Variants in TBC1D22A observed in about 807,000 individuals in gnomAD.
TBC1D22A encodes putative GTPase activator.
TBC1D22A carries 38 observed loss-of-function variants against 60.2 expected under a neutral mutation model. The ratio of observed to expected loss-of-function variants is 0.63; its 90% CI spans 0.49 to 0.83. The LOEUF is 0.83. Ranked by LOEUF, TBC1D22A falls within the 40% of genes least tolerant of loss-of-function variation. TBC1D22A has a pLI of 0.00. For missense variants in TBC1D22A, 628 were observed against 701.0 expected (o/e 0.90, Z 1.18); for synonymous variants, 302 against 281.7 (o/e 1.07, Z -0.72).
At chr22:46,997,465 C>T (rs563587676) in intron 9 of TBC1D22A, among the ~76,000 whole-genome samples, 169 bp from the exon 10 acceptor site, 42 of 152,354 alleles carry the variant, frequency 2.8e-4, no homozygotes, top group South Asian at 6.2e-4. Flanking sequence ...CAGTCAGCGG[C>T]GCTGTGCTGT....
intron 11 of TBC1D22A, among the ~76,000 whole-genome samples, chr22:47,102,463 C>T (rs544406453): frequency 3.9e-5 from 6 of 152,344 alleles, no homozygotes; most frequent in African/African-American, 1.4e-4. Context: ...CCACTGCTCA[C>T]GCCTCCCTGT....
At chr22:46,980,699 G>GA (rs136117) in intron 9 of TBC1D22A, among the ~76,000 whole-genome samples, 152,287 of 152,288 alleles carry the variant, frequency 1, 76,143 homozygotes, top group Non-Finnish European at 1. Context: ...ACTAGAAAGA[G>GA]AAATGTACTA....
chr22:47,154,725 A>T (rs1381805336), intron 12 of TBC1D22A, among the ~76,000 whole-genome samples: 2 of 152,192 alleles, frequency 1.3e-5, no homozygotes, highest in Admixed American at 6.5e-5. Flanking sequence ...GCTCTGGGAC[A>T]TGTGCCCAAG....
intron 8 of TBC1D22A, among the ~76,000 whole-genome samples, chr22:46,929,208 T>C (rs2071214505): frequency 1.3e-5 from 2 of 152,210 alleles, no homozygotes; most frequent in African/African-American, 4.8e-5. Context: ...GTTTCTGCTT[T>C]TTCACTGTTG....
At chr22:46,930,944 C>T (rs192863485) in intron 8 of TBC1D22A, among the ~76,000 whole-genome samples, 1 of 152,318 alleles carries the variant, frequency 6.6e-6, no homozygotes, top group East Asian at 1.9e-4. Flanking sequence ...CTCCCTAATT[C>T]TCACAGCAGC....
intron 12 of TBC1D22A, among the ~76,000 whole-genome samples, chr22:47,112,374 T>C (rs573029371): frequency 5.0e-4 from 76 of 152,314 alleles, no homozygotes; most frequent in African/African-American, 1.8e-3. Flanking sequence ...CTGCACCAGC[T>C]GGCTGGGGTC....
At chr22:46,803,051 G>T (rs2084964967) in intron 4 of TBC1D22A, among the ~76,000 whole-genome samples, 1 of 152,116 alleles carries the variant, frequency 6.6e-6, no homozygotes, top group Non-Finnish European at 1.5e-5. Flanking sequence ...ATGAAACAGA[G>T]AGCCAGGGAA....
At chr22:46,852,554 C>A (rs1177146292) in intron 4 of TBC1D22A, among the ~76,000 whole-genome samples, 2 of 152,200 alleles carry the variant, frequency 1.3e-5, no homozygotes, top group Non-Finnish European at 2.9e-5. Context: ...GACGAATCTG[C>A]CTCTGGAGAC....
At chr22:47,043,606 C>T (rs1338186608) in intron 11 of TBC1D22A, among the ~76,000 whole-genome samples, 1 of 152,132 alleles carries the variant, frequency 6.6e-6, no homozygotes, top group Non-Finnish European at 1.5e-5. Context: ...GTGTGTTCAT[C>T]TTTCCAGGGG....
intron 9 of TBC1D22A, among the ~76,000 whole-genome samples, chr22:46,982,275 G>C (rs1157371262): frequency 2.7e-5 from 4 of 150,694 alleles, no homozygotes; most frequent in East Asian, 1.9e-4. Flanking sequence ...CCAGGCTGGA[G>C]TGCAGTGGCA....
intron 8 of TBC1D22A, among the ~76,000 whole-genome samples, chr22:46,927,040 A>T (rs1195778400): frequency 6.6e-6 from 1 of 152,170 alleles, no homozygotes; most frequent in Non-Finnish European, 1.5e-5. Context: ...AAGAATTAAC[A>T]CTCTTTCTTC....
chr22:46,922,332 A>T (rs139999700), intron 8 of TBC1D22A, among the ~76,000 whole-genome samples: 4 of 152,250 alleles, frequency 2.6e-5, no homozygotes, highest in African/African-American at 9.6e-5. Context: ...TGTACTCACA[A>T]GTATATTCAT....
chr22:46,960,284 G>A (rs1167710409), intron 8 of TBC1D22A, among the ~76,000 whole-genome samples: 1 of 150,786 alleles, frequency 6.6e-6, no homozygotes, highest in Admixed American at 6.6e-5. Flanking sequence ...TTTTTGAGAC[G>A]GAGTTTTTGC....
intron 4 of TBC1D22A, among the ~76,000 whole-genome samples, chr22:46,847,551 C>T (rs555176734): frequency 7.2e-5 from 11 of 152,358 alleles, no homozygotes; most frequent in African/African-American, 2.4e-4. Flanking sequence ...TCTTCACACG[C>T]TCCTCCTGCC....
chr22:47,107,378 C>G (rs1259087772), intron 11 of TBC1D22A, among the ~76,000 whole-genome samples: 2 of 152,100 alleles, frequency 1.3e-5, no homozygotes, highest in Non-Finnish European at 2.9e-5. Flanking sequence ...AGTTTAAAAA[C>G]CCAGTGCTGT....
intron 1 of TBC1D22A, among the ~76,000 whole-genome samples, chr22:46,783,081 G>C (rs934138825): frequency 4.6e-5 from 7 of 152,214 alleles, no homozygotes; most frequent in African/African-American, 1.7e-4. Flanking sequence ...CAGTGTGTGA[G>C]GTCCCGGTCT....
At chr22:47,113,790 G>T (rs778720195) in intron 12 of TBC1D22A, among the ~76,000 whole-genome samples, 4 of 152,154 alleles carry the variant, frequency 2.6e-5, no homozygotes, top group Non-Finnish European at 5.9e-5. Context: ...TGTCACTCCG[G>T]CCCTGGAGGC....
Position 47,063,460 on chromosome 22 carries a change from C to G in TBC1D22A, c.1329+26262C>G, listed in dbSNP as rs370705087. ...TGGAGAGGACAGCCTGCAGAGAGACCGGCGGGGGTGTGCACCAGGGCATAC... is the reference window on the plus strand; with the variant it reads ...TGGAGAGGACAGCCTGCAGAGAGACGGGCGGGGGTGTGCACCAGGGCATAC... On this transcript the variant is annotated intron_variant, in intron 11 of 12. Coordinates refer to ENST00000337137, the MANE Select transcript of TBC1D22A (RefSeq NM_014346.5). Among the ~76,000 whole-genome samples the G allele has an allele frequency of 4.6e-5, 7 of 152,216 alleles. No individual in the cohort carries two copies. In the East Asian group the frequency reaches 1.2e-3, roughly 25 times the overall value.
chr22:46,763,212 G>C (rs916859613), intron 1 of TBC1D22A: 8 of 250,780 alleles, frequency 3.2e-5, no homozygotes, highest in African/African-American at 1.6e-4. Context: ...GAGGCCCCCC[G>C]TCTGCTGGGT....
Sources: allele counts gnomAD v4.1 joint callset (sites outside exome capture counted in the v4.1 genomes callset), GRCh38; gene constraint gnomAD v4.1.1; transcripts MANE v1.5; gene names NCBI Gene and HGNC (gene_info 2026-07-23, HGNC 2026-07-21).